Variants in FAM120C observed in about 807,000 individuals in gnomAD.
The protein encoded by FAM120C is family with sequence similarity 120 member C.
Under a neutral mutation model 71.2 loss-of-function variants are expected in FAM120C, and 14 were observed. That is an observed-to-expected ratio of 0.20 (90% CI 0.13 to 0.31). FAM120C has a LOEUF of 0.31. Ranked by LOEUF, FAM120C falls within the 10% of genes least tolerant of loss-of-function variation. FAM120C has a pLI of 1.00. For missense variants in FAM120C, 500 were observed against 879.0 expected, an observed-to-expected ratio of 0.57 and a Z score of 5.45; for synonymous variants, 354 against 353.2, an observed-to-expected ratio of 1.00 and a Z score of -0.03.
At chrX:54,129,519 G>A (rs1232410272) in intron 9 of FAM120C, among the ~76,000 whole-genome samples, 10 of 107,149 alleles carry the variant, frequency 9.3e-5, no homozygotes, top group African/African-American at 2.0e-4. Context: ...GGGCAGAGAC[G>A]CTCCTCACTT....
At chrX:54,089,077 C>A (rs923863117) in intron 11 of FAM120C, among the ~76,000 whole-genome samples, 8 of 111,050 alleles carry the variant, frequency 7.2e-5, no homozygotes, top group Non-Finnish European at 1.5e-4. Context: ...TTACCAATTA[C>A]CCCACTTCAG....
At chrX:54,173,598 G>A (rs781969608) in intron 1 of FAM120C, among the ~76,000 whole-genome samples, 1 of 112,367 alleles carries the variant, frequency 8.9e-6, no homozygotes, top group African/African-American at 3.2e-5. Flanking sequence ...ATCTTAAATC[G>A]TAGTCTTTCA....
rs138574234 is a variant in FAM120C, at chrX:54,116,721, T to G, written c.2136A>C (p.Ala712=). The G allele has an allele frequency of 5.0e-6, 6 of 1,209,722 alleles. No individual in the cohort carries two copies. In the African/African-American group the frequency reaches 1.1e-4, roughly 21 times the overall value. The change falls in exon 10 of 16, where the codon GCA becomes GCC. Residue 712 remains alanine, a synonymous_variant. Coordinates refer to ENST00000375180, the MANE Select transcript of FAM120C (RefSeq NM_017848.6). ...KSPQTPELVS[A]LTFREWTCPN... ...GGCAAGTCCATTCCCGAAATGTCAG[T>G]GCAGACACCAGCTCAGGGGTTTGAG...
intron 4 of FAM120C, among the ~76,000 whole-genome samples, chrX:54,142,096 T>A (rs961946197): frequency 2.7e-5 from 3 of 112,008 alleles, no homozygotes; most frequent in Non-Finnish European, 5.6e-5. Flanking sequence ...TATTCTAAAA[T>A]TTATATGAAA....
At chrX:54,146,429 C>T (rs782155890) in intron 4 of FAM120C, among the ~76,000 whole-genome samples, 62 of 110,988 alleles carry the variant, frequency 5.6e-4, no homozygotes, top group African/African-American at 1.9e-3. Context: ...GCCTGTAATC[C>T]CAGTATTTTG....
At chrX:54,133,742 C>A in intron 8 of FAM120C, 31 bp downstream of exon 8, 1 of 1,196,571 alleles carries the variant, frequency 8.4e-7, no homozygotes. Flanking sequence ...GTGTTAAGAG[C>A]AGGGAGGTAG....
chrX:54,157,567 ATTT>A, intron 3 of FAM120C, 119 bp downstream of exon 3: 1 of 538,543 alleles, frequency 1.9e-6, no homozygotes, highest in Non-Finnish European at 3.0e-6. Context: ...CATAACTAAT[ATTT>A]TTTTCTTTTG....
chrX:54,169,408 A>T, intron 1 of FAM120C, among the ~76,000 whole-genome samples: 1 of 112,275 alleles, frequency 8.9e-6, no homozygotes, highest in Admixed American at 9.4e-5. Context: ...ACACAAGGGC[A>T]TAAAAAAAAT....
At chrX:54,118,699 C>CTT (rs1187381929) in intron 9 of FAM120C, among the ~76,000 whole-genome samples, 12 of 31,726 alleles carry the variant, frequency 3.8e-4, no homozygotes, top group African/African-American at 1.7e-3. Flanking sequence ...TTCTTTTTTT[C>CTT]TTTTTTTTTT....
In FAM120C at chrX:54,182,497, C is replaced by A; in HGVS notation, c.699+3G>T. ...ATTATTTAAGATCCGGCCCCTCCCTCACCTTGACCCGGAAGCGGATGAGTG... is the reference window on the plus strand; with the variant it reads ...ATTATTTAAGATCCGGCCCCTCCCTAACCTTGACCCGGAAGCGGATGAGTG... On this transcript the variant is annotated splice_donor_region_variant and intron_variant, in intron 1 of 15. Coordinates refer to ENST00000375180, the MANE Select transcript of FAM120C (RefSeq NM_017848.6). 1 of 1,204,984 alleles carries A rather than the reference C, an allele frequency of 8.3e-7. No homozygotes were observed.
intron 1 of FAM120C, among the ~76,000 whole-genome samples, chrX:54,166,349 T>C (rs1189052510): frequency 8.9e-6 from 1 of 112,074 alleles, no homozygotes; most frequent in African/African-American, 3.2e-5. Flanking sequence ...CAAATGTGCA[T>C]ACCCTTTGCC....
chrX:54,096,272 G>A (rs1359522822), intron 10 of FAM120C, among the ~76,000 whole-genome samples: 1 of 110,342 alleles, frequency 9.1e-6, no homozygotes, highest in Non-Finnish European at 1.9e-5. Context: ...TTAGCCAGGT[G>A]TGGTGGCGTG....
intron 1 of FAM120C, among the ~76,000 whole-genome samples, chrX:54,172,240 C>G (rs1299287144): frequency 8.9e-6 from 1 of 112,085 alleles, no homozygotes; most frequent in Non-Finnish European, 1.9e-5. Flanking sequence ...CCTTTGGATG[C>G]CAAATCATTT....
rs2146547589 is a variant in FAM120C at position 54,071,781 on chromosome X, C to T, written c.*1252G>A. On this transcript the variant is annotated 3_prime_UTR_variant, in exon 16 of 16. Coordinates refer to ENST00000375180, the MANE Select transcript of FAM120C (RefSeq NM_017848.6). ...GCAATTTCTGGAAAGTACTTTTTGT[C>T]TGATTTAGAGAAGCCCATCCAACTT... The T allele has an allele frequency of 9.1e-6, 1 of 110,427 alleles. No individual in the cohort carries two copies. The highest frequency in any genetic ancestry group is 3.9e-4 in the South Asian group (1 of 2,563). 9.1% of individuals were successfully genotyped at this position (110,427 alleles called of 1,213,427 possible). A position where few individuals can be genotyped will look rare whatever the true frequency, so the allele number is the denominator to read the frequency against.
In FAM120C at chrX:54,183,185, C is replaced by T; in HGVS notation, c.14G>A (p.Gly5Asp). 1 of 1,124,420 alleles carries T rather than the reference C, an allele frequency of 8.9e-7. No individual in the cohort carries two copies. Among genetic ancestry groups the T allele is most frequent in the East Asian group, 3.5e-5 (1 of 28,807 alleles). 92.7% of individuals were successfully genotyped at this position (1,124,420 alleles called of 1,213,427 possible). A position where few individuals can be genotyped will look rare whatever the true frequency, so the allele number is the denominator to read the frequency against. The change falls in exon 1 of 16, where the codon GGC (glycine) becomes GAC (aspartate). Residue 5 changes from glycine to aspartate, a missense_variant. Around this residue, in one of 11 missense-constraint regions of FAM120C, gnomAD observed 12 missense variants for 30.3 expected, o/e 0.40. Coordinates refer to ENST00000375180, the MANE Select transcript of FAM120C (RefSeq NM_017848.6). Reference sequence around the variant, plus strand: ...GCGCTTCTCCAGGAACTCTTGGAAGCCCTGGACACCCATGCTTCGTCGGTG... The same window carrying T: ...GCGCTTCTCCAGGAACTCTTGGAAGTCCTGGACACCCATGCTTCGTCGGTG... MGVQ[G>D]FQEFLEKRCP...
At chrX:54,098,371 G>A in intron 10 of FAM120C, among the ~76,000 whole-genome samples, 1 of 111,493 alleles carries the variant, frequency 9.0e-6, no homozygotes, top group African/African-American at 3.2e-5. Context: ...GAACATTTGT[G>A]AACATGTTTT....
chrX:54,138,151 C>T (rs960887393), intron 4 of FAM120C, among the ~76,000 whole-genome samples: 2 of 111,393 alleles, frequency 1.8e-5, no homozygotes, highest in African/African-American at 3.3e-5. Context: ...TTGATATACA[C>T]GATAATATGT....
chrX:54,117,354 A>AAAAATAAAATAAAAT (rs140650427), intron 9 of FAM120C, among the ~76,000 whole-genome samples: 650 of 60,336 alleles, frequency 0.011, 11 homozygotes, highest in African/African-American at 0.038. Context: ...TCCTGTCTCT[A>AAAAATAAAATAAAAT]AAAATAAAAT....
In FAM120C at chrX:54,068,418, A is replaced by T. The variant is rs1557119746; in HGVS notation, c.*4615T>A. ...TTAACAGAACAACAGACCAATTTCC[A>T]TCACAGAACAACTCCTGAGGCATTC... On this transcript the variant is annotated 3_prime_UTR_variant, in exon 16 of 16. Transcript: ENST00000375180. 8.9e-6 allele frequency: 1 copy of T among 111,863 alleles called. No homozygotes were observed. The highest frequency in any genetic ancestry group is 3.2e-5 in the African/African-American group (1 of 30,810). The allele number at this position is 111,863 out of a possible 1,213,427, so 9.2% of individuals were successfully genotyped here.
Sources: gnomAD v4.1 joint callset for allele counts (sites outside exome capture counted in the v4.1 genomes callset) on GRCh38, gnomAD v4.1.1 for gene constraint, gnomAD v4.1.1 regional missense constraint, MANE v1.5 for transcripts, NCBI Gene and HGNC (gene_info 2026-07-23, HGNC 2026-07-21) for gene names.